ARMCX4: variants seen among roughly 807,000 people sequenced by gnomAD.
The protein encoded by ARMCX4 is armadillo repeat containing X-linked 4.
Under a neutral mutation model 34.7 loss-of-function variants are expected in ARMCX4, and 3 were observed. That is an observed-to-expected ratio of 0.09 (90% CI 0.04 to 0.22). ARMCX4 has a LOEUF of 0.22. Ranked by LOEUF, ARMCX4 falls within the 10% of genes least tolerant of loss-of-function variation. ARMCX4 has a pLI of 1.00. For synonymous variants in ARMCX4, 513 were observed against 632.8 expected, an observed-to-expected ratio of 0.81 and a Z score of 2.84; for missense variants, 1,448 against 1,720.8, an observed-to-expected ratio of 0.84 and a Z score of 2.81.
At chrX:101,535,851 T>C (rs1450114310), downstream of ARMCX4, among the ~76,000 whole-genome samples, 1 of 111,716 alleles carries the variant, frequency 9.0e-6, no homozygotes, top group Non-Finnish European at 1.9e-5. Flanking sequence ...AGAAGGATGC[T>C]ATATTTGGCA....
At chrX:101,505,410 T>C (rs1433845072) in intron 8 of ARMCX4, 3 of 112,037 alleles carry the variant, frequency 2.7e-5, no homozygotes, top group Non-Finnish European at 3.7e-5. Flanking sequence ...CATTCTCTTA[T>C]AGCAACACAC....
At chrX:101,512,830 A>G (rs1395979293) in intron 11 of ARMCX4, among the ~76,000 whole-genome samples, 9 of 88,759 alleles carry the variant, frequency 1.0e-4, no homozygotes, top group South Asian at 5.4e-4. Flanking sequence ...ATATATACAC[A>G]TATATATATG....
upstream of ARMCX4, among the ~76,000 whole-genome samples, chrX:101,482,082 A>G (rs1013006272): frequency 1.4e-4 from 15 of 110,608 alleles, no homozygotes; most frequent in African/African-American, 5.0e-4. Context: ...AAAAATACAA[A>G]CATTAGCTGG....
chrX:101,465,509 C>G (rs946173231), intron 4 of ARMCX4, among the ~76,000 whole-genome samples: 3 of 112,143 alleles, frequency 2.7e-5, no homozygotes, highest in African/African-American at 9.7e-5. Flanking sequence ...TTGCATGCAT[C>G]TAATAATACA....
chrX:101,535,892 T>A (rs1389591356), downstream of ARMCX4, among the ~76,000 whole-genome samples: 1 of 111,583 alleles, frequency 9.0e-6, no homozygotes, highest in Non-Finnish European at 1.9e-5. Context: ...AACACTAATA[T>A]TAATAAAAAA....
intron 8 of ARMCX4, among the ~76,000 whole-genome samples, chrX:101,506,864 C>G (rs148305925): frequency 1.8e-5 from 2 of 111,358 alleles, no homozygotes; most frequent in Non-Finnish European, 3.8e-5. Context: ...TCATCCTTCC[C>G]CACCCCAGAT....
At chrX:101,512,773 CAT>C (rs782398658) in intron 11 of ARMCX4, among the ~76,000 whole-genome samples, 2 of 102,979 alleles carry the variant, frequency 1.9e-5, no homozygotes, top group African/African-American at 7.1e-5. Flanking sequence ...TATATACACA[CAT>C]ATATATATAC....
chrX:101,492,875 C>G lies in ARMCX4; in HGVS notation c.4286C>G (p.Ser1429Cys), dbSNP rs1556010089. The G allele has an allele frequency of 1.7e-6, 2 of 1,154,952 alleles. No individual in the cohort carries two copies. Among genetic ancestry groups the G allele is most frequent in the Non-Finnish European group, 2.3e-6 (2 of 872,650 alleles). The change falls in exon 6 of 6, where the codon TCT becomes TGT. Residue 1429 changes from serine to cysteine, a missense_variant. Around this residue, in one of 2 missense-constraint regions of ARMCX4, gnomAD observed 1,343 missense variants for 1,540.7 expected, o/e 0.87. Transcript: ENST00000423738. The stretch of plus-strand genomic sequence containing the variant: ...TCCAGTGGAAGGTCATGGGCTAACT[C>G]TGGGGACCAAATCAGTGGAGGATTC... ...DQSSGRSWANSGDQISGGFLV... is the reference protein window; with the variant it reads ...DQSSGRSWANCGDQISGGFLV...
At chrX:101,420,192 C>G (rs1474224089) in intron 2 of ARMCX4, among the ~76,000 whole-genome samples, 1 of 111,489 alleles carries the variant, frequency 9.0e-6, no homozygotes, top group Non-Finnish European at 1.9e-5. Context: ...ACCCCCATCT[C>G]TACTAGAAAT....
chrX:101,440,390 G>T (rs1476186539), intron 2 of ARMCX4, among the ~76,000 whole-genome samples: 1 of 111,789 alleles, frequency 8.9e-6, no homozygotes, highest in African/African-American at 3.2e-5. Context: ...TGCCCCTGCT[G>T]GGGGGGTGCC....
downstream of ARMCX4, chrX:101,447,366 C>G (rs1391546474): frequency 8.9e-6 from 1 of 112,393 alleles, no homozygotes; most frequent in Admixed American, 9.4e-5. Context: ...CCTATTCATT[C>G]AACAAATATT....
chrX:101,528,370 C>A (rs1935033686), intron 11 of ARMCX4, among the ~76,000 whole-genome samples: 1 of 111,753 alleles, frequency 8.9e-6, no homozygotes, highest in South Asian at 3.7e-4. Flanking sequence ...AAGCCACAGC[C>A]AATGTCATAC....
intron 2 of ARMCX4, among the ~76,000 whole-genome samples, chrX:101,430,772 G>A (rs914932802): frequency 2.7e-5 from 3 of 112,042 alleles, no homozygotes; most frequent in African/African-American, 9.7e-5. Context: ...TTGACTCTTT[G>A]CTAGACATTG....
Position 101,493,481 on chromosome X carries a change from G to T in ARMCX4, c.4892G>T (p.Ser1631Ile). 8.7e-7 allele frequency: 1 copy of T among 1,155,848 alleles called. No individual in the cohort carries two copies. Among genetic ancestry groups the T allele is most frequent in the Non-Finnish European group, 1.1e-6 (1 of 872,882 alleles). Residue 1631 changes from serine to isoleucine, a missense_variant, in exon 6 of 6, where the codon AGT becomes ATT. This residue lies in a region of ARMCX4 where 1,343 missense variants were observed against 1,540.7 expected (regional missense o/e 0.87). Coordinates refer to ENST00000423738, the MANE Select transcript of ARMCX4 (RefSeq NM_001256155.3). ...AGGCCGGGGCCTGCAGACCAGTCCA[G>T]TGGTGGGTCCTGGGCTGGCACTGGG... ...GARPGPADQS[S>I]GGSWAGTGNQ...
At position 101,495,132 on chromosome X, in the gene ARMCX4, C is replaced by A; in HGVS notation, c.6543C>A (p.Asp2181Glu). The A allele has an allele frequency of 8.7e-7, 1 of 1,155,518 alleles. No homozygotes were observed. Residue 2181 changes from aspartate to glutamate, a missense_variant, in exon 6 of 6, where the codon GAC becomes GAA. This residue lies in a region of ARMCX4 where 105 missense variants were observed against 180.2 expected (regional missense o/e 0.58). Coordinates refer to ENST00000423738, the MANE Select transcript of ARMCX4 (RefSeq NM_001256155.3). ...CGGTGGGAAGTGGAGAAACTAAAGA[C>A]CATGTTTTGGGAATGCTTTTGAATT... is the stretch of plus-strand genomic sequence containing the variant. ...LLTVGSGETK[D>E]HVLGMLLNFS...
At chrX:101,504,640 C>A (rs1556014704) in intron 7 of ARMCX4, among the ~76,000 whole-genome samples, 1 of 110,832 alleles carries the variant, frequency 9.0e-6, no homozygotes, top group African/African-American at 3.3e-5. Flanking sequence ...GACTCTGGCC[C>A]CGGGTCCCCA....
At chrX:101,424,129 C>T (rs1451868699) in intron 2 of ARMCX4, among the ~76,000 whole-genome samples, 5 of 111,282 alleles carry the variant, frequency 4.5e-5, no homozygotes, top group African/African-American at 1.6e-4. Flanking sequence ...TCCCAAAGTG[C>T]TGGGATTACA....
intron 2 of ARMCX4, among the ~76,000 whole-genome samples, chrX:101,424,336 A>G (rs782592459): frequency 1.8e-5 from 2 of 111,302 alleles, no homozygotes; most frequent in South Asian, 7.6e-4. Flanking sequence ...ATGCTTTGTA[A>G]TATCCTTTAT....
chrX:101,501,281 T>G (rs937471624), intron 7 of ARMCX4, among the ~76,000 whole-genome samples: 1 of 113,127 alleles, frequency 8.8e-6, no homozygotes, highest in Non-Finnish European at 1.9e-5. Flanking sequence ...TGCCACTTGA[T>G]GCATACAAGA....
Sources: gnomAD v4.1 joint callset for allele counts (sites outside exome capture counted in the v4.1 genomes callset) on GRCh38, gnomAD v4.1.1 for gene constraint, gnomAD v4.1.1 regional missense constraint, MANE v1.5 for transcripts, NCBI Gene and HGNC (gene_info 2026-07-23, HGNC 2026-07-21) for gene names.